Variants in SLC5A3 observed in about 807,000 individuals in gnomAD.
The protein encoded by SLC5A3 is solute carrier family 5 member 3.
In SLC5A3, 10 loss-of-function variants were observed where a neutral mutation model predicts 43.2. The ratio of observed to expected loss-of-function variants is 0.23; its 90% CI spans 0.14 to 0.39. The LOEUF (loss-of-function observed/expected upper bound fraction) is 0.39. Among genes scored for constraint, SLC5A3 ranks in the 10% least tolerant of loss-of-function variants. SLC5A3 has a pLI of 1.00. For synonymous variants in SLC5A3, 349 were observed against 322.0 expected (o/e 1.08, Z -0.90); for missense variants, 608 against 893.4 (o/e 0.68, Z 4.07).
In SLC5A3 at chr21:34,097,811, A is replaced by C. The variant is rs1305543663; in HGVS notation, c.*456A>C. 2 of 999,012 alleles carry C rather than the reference A, an allele frequency of 2.0e-6. No individual in the cohort carries two copies. Among genetic ancestry groups the C allele is most frequent in the African/African-American group, 1.7e-5 (1 of 57,184 alleles). 61.9% of individuals were successfully genotyped at this position (999,012 alleles called of 1,614,324 possible). ...CTTATTTCTTAGACATTGTACAATC[A>C]GTTATGTACTGAAAATCGAATGTGC... On this transcript the variant is annotated 3_prime_UTR_variant, in exon 2 of 2. Transcript: ENST00000381151.
In SLC5A3 at chr21:34,100,238, C is replaced by T. The variant is rs1323037576; in HGVS notation, c.*2883C>T. On this transcript the variant is annotated 3_prime_UTR_variant, in exon 2 of 2. Coordinates refer to ENST00000381151, the MANE Select transcript of SLC5A3 (RefSeq NM_006933.7). ...GTATCCCCAGTTCTTAGACTTTTGTCTTCTCAGGCAATTTTCATCTCAAGA... is the reference window on the plus strand; with the variant it reads ...GTATCCCCAGTTCTTAGACTTTTGTTTTCTCAGGCAATTTTCATCTCAAGA... The T allele has an allele frequency of 3.0e-6, 3 of 1,000,066 alleles. No homozygotes were observed. Among genetic ancestry groups the T allele is most frequent in the East Asian group, 1.1e-4 (1 of 8,824 alleles). 61.9% of individuals were successfully genotyped at this position (1,000,066 alleles called of 1,614,324 possible).
chr21:34,087,503 G>C (rs1410754839), intron 1 of SLC5A3, among the ~76,000 whole-genome samples: 2 of 152,056 alleles, frequency 1.3e-5, no homozygotes, highest in Non-Finnish European at 2.9e-5. Context: ...ACATGGTAGT[G>C]AGGAGACAGA....
intron 1 of SLC5A3, among the ~76,000 whole-genome samples, chr21:34,075,633 G>T (rs966747240): frequency 5.3e-5 from 8 of 152,226 alleles, no homozygotes; most frequent in Non-Finnish European, 1.2e-4. Flanking sequence ...ATAGAAGGTT[G>T]TAACAGTGGT....
chr21:34,091,761 A>G (rs1476498377), intron 1 of SLC5A3, among the ~76,000 whole-genome samples: 3 of 152,182 alleles, frequency 2.0e-5, no homozygotes, highest in Admixed American at 6.5e-5. Context: ...CTCTGTTTCA[A>G]AGCACCTTTG....
intron 1 of SLC5A3, among the ~76,000 whole-genome samples, chr21:34,080,817 CTA>C (rs1313061878): frequency 1.3e-5 from 2 of 152,214 alleles, no homozygotes; most frequent in African/African-American, 4.8e-5. Context: ...ACTCTCATCT[CTA>C]TAAAACAGTT....
chr21:34,096,470 A>G lies in SLC5A3; in HGVS notation c.1272A>G (p.Ala424=), dbSNP rs1334515614. 1.2e-6 allele frequency: 2 copies of G among 1,614,180 alleles called. No individual in the cohort carries two copies. The highest frequency in any genetic ancestry group is 1.7e-5 in the Admixed American group (1 of 60,018). ...CATTTATGGTGGTGATCAGCATAGCATGGGTGCCAATCATCGTGGAGATGC... is the reference window on the plus strand; with the variant it reads ...CATTTATGGTGGTGATCAGCATAGCGTGGGTGCCAATCATCGTGGAGATGC... ...FVAFMVVISI[A]WVPIIVEMQG... The change falls in exon 2 of 2, where the codon GCA becomes GCG. Residue 424 remains alanine, a synonymous_variant. Coordinates refer to ENST00000381151, the MANE Select transcript of SLC5A3 (RefSeq NM_006933.7). This position sits in a 1 kb window ranked among gnomAD's most constrained non-coding sequence, Gnocchi z 5.9.
Position 34,096,699 on chromosome 21 carries a change from A to G in SLC5A3, c.1501A>G (p.Asn501Asp), listed in dbSNP as rs774830116. The G allele has an allele frequency of 1.2e-6, 2 of 1,614,122 alleles. No homozygotes were observed. Among genetic ancestry groups the G allele is most frequent in the African/African-American group, 2.7e-5 (2 of 75,030 alleles). The change falls in exon 2 of 2, where the codon AAT becomes GAT. Residue 501 changes from asparagine (N) to aspartate (D), a missense_variant. Physicochemically the swap from Asn to Asp is conservative, Grantham distance 23 (BLOSUM62 1). Around this residue, in one of 2 missense-constraint regions of SLC5A3, gnomAD observed 398 missense variants for 668.6 expected, o/e 0.60. Transcript: ENST00000381151. This position sits in a 1 kb window ranked among gnomAD's most constrained non-coding sequence, Gnocchi z 5.9. ...TGCCCCAGAATGTGACCAACCTGAT[A>G]ATAGGCCGGGCTTCATCAAAGACAT... The part of the protein sequence containing the change: ...YRAPECDQPD[N>D]RPGFIKDIHY...
chr21:34,097,352 A>G lies in SLC5A3; in HGVS notation c.2154A>G (p.Leu718=). The change falls in exon 2 of 2, where the codon TTA becomes TTG. Residue 718 remains leucine, a synonymous_variant. Transcript: ENST00000381151. ...LGIFMFVYFS[L] ...TTTTCATGTTTGTTTATTTCTCCTT[A>G]TGAACTTAAGGATATGGTGAGACAC... 3 of 1,596,870 alleles carry G rather than the reference A, an allele frequency of 1.9e-6. No individual in the cohort carries two copies. The highest frequency in any genetic ancestry group is 2.6e-6 in the Non-Finnish European group (3 of 1,171,920).
intron 1 of SLC5A3, among the ~76,000 whole-genome samples, chr21:34,094,436 A>C (rs895051222): frequency 6.6e-6 from 1 of 152,174 alleles, no homozygotes; most frequent in Non-Finnish European, 1.5e-5. Context: ...AGTTACCCCC[A>C]AACTCTCTTA....
At position 34,105,740 on chromosome 21, in the gene SLC5A3, AC is replaced by A; in HGVS notation, c.*8386del. ...ATTTCCAGTTTACCTTCTGTTGTCT[AC>A]AGCTTTTTTAATTTTAAGGTTTGAC... On this transcript the variant is annotated 3_prime_UTR_variant, in exon 2 of 2. Transcript: ENST00000381151. 8 of 998,192 alleles carry A rather than the reference AC, an allele frequency of 8.0e-6. No individual in the cohort carries two copies. The highest frequency in any genetic ancestry group is 9.7e-6 in the Non-Finnish European group (8 of 828,174). 61.8% of individuals were successfully genotyped at this position (998,192 alleles called of 1,614,324 possible). A position where few individuals can be genotyped will look rare whatever the true frequency, so the allele number is the denominator to read the frequency against.
rs376504816 is a variant in SLC5A3, at chr21:34,095,792, A to G, written c.594A>G (p.Thr198=). 2.4e-5 allele frequency: 39 copies of G among 1,613,862 alleles called. No individual in the cohort carries two copies. Among genetic ancestry groups the G allele is most frequent in the Non-Finnish European group, 3.1e-5 (36 of 1,179,962 alleles). Residue 198 remains threonine, a synonymous_variant, in exon 2 of 2, where the codon ACA becomes ACG. Transcript: ENST00000381151. The part of the protein sequence containing the change: ...QALLMIIGAL[T]LMIISIMEIG... ...TGCTCATGATCATTGGGGCACTTAC[A>G]CTTATGATTATTAGCATAATGGAGA...
chr21:34,085,635 C>G (rs1978334962), intron 1 of SLC5A3, among the ~76,000 whole-genome samples: 1 of 138,068 alleles, frequency 7.2e-6, no homozygotes, highest in African/African-American at 2.7e-5. Context: ...GAGTCTCGCT[C>G]TTTCGCCCAA....
At chr21:34,091,358 T>A (rs1050191924) in intron 1 of SLC5A3, among the ~76,000 whole-genome samples, 1 of 152,214 alleles carries the variant, frequency 6.6e-6, no homozygotes. Flanking sequence ...GGTGGTTTTT[T>A]ATTTTATTAT....
chr21:34,082,856 C>T (rs2071262991), intron 1 of SLC5A3, among the ~76,000 whole-genome samples: 1 of 152,078 alleles, frequency 6.6e-6, no homozygotes, highest in Non-Finnish European at 1.5e-5. Flanking sequence ...GTTTTGCTTC[C>T]CCTTGCAATC....
At chr21:34,091,324 G>T (rs548935098) in intron 1 of SLC5A3, among the ~76,000 whole-genome samples, 1 of 152,184 alleles carries the variant, frequency 6.6e-6, no homozygotes, top group East Asian at 1.9e-4. Context: ...AATTTTTCTT[G>T]TTCCTTGTTT....
chr21:34,097,489 A>G lies in SLC5A3; in HGVS notation c.*134A>G. On this transcript the variant is annotated 3_prime_UTR_variant, in exon 2 of 2. Transcript: ENST00000381151. Reference sequence around the variant, plus strand: ...GCCAAATTTTACTTAGCAGAAAATCATCTAATTACAAGACTTTATTTTCCC... The same window carrying G: ...GCCAAATTTTACTTAGCAGAAAATCGTCTAATTACAAGACTTTATTTTCCC... 1 of 1,434,774 alleles carries G rather than the reference A, an allele frequency of 7.0e-7. No homozygotes were observed. Among genetic ancestry groups the G allele is most frequent in the Non-Finnish European group, 9.1e-7 (1 of 1,093,672 alleles). 88.9% of individuals were successfully genotyped at this position (1,434,774 alleles called of 1,614,324 possible). A position where few individuals can be genotyped will look rare whatever the true frequency, so the allele number is the denominator to read the frequency against.
rs983913641 is a variant in SLC5A3 at position 34,099,227 on chromosome 21, T to C, written c.*1872T>C. On this transcript the variant is annotated 3_prime_UTR_variant, in exon 2 of 2. Coordinates refer to ENST00000381151, the MANE Select transcript of SLC5A3 (RefSeq NM_006933.7). ...CAATTTTATTCTTGAGGTTTATAAT[T>C]TGGGGGCCAAATAGATAGAGCTCAT... is the stretch of plus-strand genomic sequence containing the variant. 5 of 1,000,084 alleles carry C rather than the reference T, an allele frequency of 5.0e-6. No homozygotes were observed. Among genetic ancestry groups the C allele is most frequent in the Admixed American group, 6.2e-5 (1 of 16,242 alleles). 62.0% of individuals were successfully genotyped at this position (1,000,084 alleles called of 1,614,324 possible).
rs75284642 is a variant in SLC5A3 at position 34,085,450 on chromosome 21, A to G, written c.-336-9413A>G. ...TTTTGTATTAAGTGATCTATGGAATAACAAACTTGAGACTGAATATTTTGT... is the reference window on the plus strand; with the variant it reads ...TTTTGTATTAAGTGATCTATGGAATGACAAACTTGAGACTGAATATTTTGT... On this transcript the variant is annotated intron_variant, in intron 1 of 1. Transcript: ENST00000381151. Among the ~76,000 whole-genome samples, 11 of 152,352 alleles carry G rather than the reference A, an allele frequency of 7.2e-5. No homozygotes were observed. In the East Asian group the frequency reaches 2.1e-3, roughly 29 times the overall value.
At chr21:34,074,329 T>TA (rs991387476) in intron 1 of SLC5A3, among the ~76,000 whole-genome samples, 22 of 151,860 alleles carry the variant, frequency 1.4e-4, no homozygotes, top group East Asian at 5.8e-4. Flanking sequence ...GCTCTCATGT[T>TA]AAAAAAAAAT....
Sources: gnomAD v4.1 joint callset for allele counts (sites outside exome capture counted in the v4.1 genomes callset) on GRCh38, gnomAD v4.1.1 for gene constraint, gnomAD v4.1.1 regional missense constraint, Gnocchi (gnomAD v3.1) non-coding constraint, MANE v1.5 for transcripts, NCBI Gene and HGNC (gene_info 2026-07-23, HGNC 2026-07-21) for gene names.